The following CSNK1G1 variants were observed in gnomAD, a reference collection of about 807,000 sequenced individuals.
CSNK1G1 encodes the protein casein kinase 1 gamma 1.
A neutral mutation model predicts 59.6 loss-of-function variants in CSNK1G1; 22 were observed. That is an observed-to-expected ratio of 0.37 (90% CI 0.26 to 0.53). The LOEUF (loss-of-function observed/expected upper bound fraction) is 0.53, where lower values mean the gene tolerates loss of function less well. Ranked by LOEUF, CSNK1G1 falls within the 20% of genes least tolerant of loss-of-function variation. The pLI, the probability that CSNK1G1 is intolerant of heterozygous loss-of-function variation, is 0.89. For missense variants in CSNK1G1, 384 were observed against 519.5 expected, an observed-to-expected ratio of 0.74 and a Z score of 2.54; for synonymous variants, 179 against 177.1, an observed-to-expected ratio of 1.01 and a Z score of -0.08.
At chr15:64,339,378 T>C (rs1897572203) in intron 1 of CSNK1G1, among the ~76,000 whole-genome samples, 1 of 152,152 alleles carries the variant, frequency 6.6e-6, no homozygotes, top group South Asian at 2.1e-4. Context: ...AGTGGCACAA[T>C]CTCCGCTCAC....
At chr15:64,236,157 AAAAAG>A (rs1261805579) in intron 4 of CSNK1G1, among the ~76,000 whole-genome samples, 10 of 151,522 alleles carry the variant, frequency 6.6e-5, no homozygotes, top group Non-Finnish European at 1.2e-4. Context: ...AAAAAAAAAA[AAAAAG>A]AAAAGAAAAG....
chr15:64,198,376 T>C (rs1281314295), intron 10 of CSNK1G1, among the ~76,000 whole-genome samples: 1 of 151,512 alleles, frequency 6.6e-6, no homozygotes, highest in African/African-American at 2.4e-5. Flanking sequence ...CAGCTAATTT[T>C]TGTATTTTTA....
intron 1 of CSNK1G1, among the ~76,000 whole-genome samples, chr15:64,355,040 AG>A (rs1209702898): frequency 6.6e-6 from 1 of 152,190 alleles, no homozygotes; most frequent in African/African-American, 2.4e-5. Context: ...AAAAATGAAG[AG>A]GATCTTTCTA....
intron 1 of CSNK1G1, among the ~76,000 whole-genome samples, chr15:64,352,099 G>A (rs1417415011): frequency 6.6e-6 from 1 of 152,022 alleles, no homozygotes; most frequent in Non-Finnish European, 1.5e-5. Context: ...CTGAGGTCAC[G>A]AGTTAGAGAG....
At chr15:64,323,871 G>A (rs757754406) in intron 1 of CSNK1G1, among the ~76,000 whole-genome samples, 6 of 152,108 alleles carry the variant, frequency 3.9e-5, no homozygotes, top group Admixed American at 1.3e-4. Flanking sequence ...TATAAAAATA[G>A]TTTGCTTTAA....
chr15:64,248,728 T>C (rs1891896334), intron 4 of CSNK1G1, among the ~76,000 whole-genome samples: 1 of 152,172 alleles, frequency 6.6e-6, no homozygotes, highest in African/African-American at 2.4e-5. Flanking sequence ...CTCACATCTG[T>C]AATCCCAGCA....
chr15:64,186,568 G>A (rs866528960), intron 10 of CSNK1G1, among the ~76,000 whole-genome samples: 8 of 152,294 alleles, frequency 5.3e-5, no homozygotes, highest in Middle Eastern at 3.4e-3. Context: ...GAAATGCAGT[G>A]GTACGATCAT....
At position 64,300,670 on chromosome 15, in the gene CSNK1G1, T is replaced by C. The variant is rs1895277776; in HGVS notation, c.-171A>G. 1.6e-6 allele frequency: 2 copies of C among 1,284,248 alleles called. No homozygotes were observed. Among genetic ancestry groups the C allele is most frequent in the Non-Finnish European group, 2.0e-6 (2 of 1,014,518 alleles). The allele number at this position is 1,284,248 out of a possible 1,614,324, so 79.6% of individuals were successfully genotyped here. On this transcript the variant is annotated 5_prime_UTR_variant, in exon 2 of 12. Transcript: ENST00000303052. ...CGGGAGATGAAAAACCATTTATTTG[T>C]TCCCGTAGGAAATGTAGTCACTAGG...
chr15:64,202,801 C>T (rs112067520), intron 10 of CSNK1G1, among the ~76,000 whole-genome samples: 8,833 of 152,160 alleles, frequency 0.058, 271 homozygotes, highest in South Asian at 0.08. Context: ...GATCTACCTG[C>T]CTTGGCCTCC....
rs749414791 is a variant in CSNK1G1 at position 64,180,438 on chromosome 15, T to G, written c.1124A>C (p.Asn375Thr). The G allele has an allele frequency of 6.2e-7, 1 of 1,613,600 alleles. No individual in the cohort carries two copies. The highest frequency in any genetic ancestry group is 1.3e-5 in the African/African-American group (1 of 74,900). ...GGGATCATCAACATTCAGCTCTCCA[T>G]TGGTTGAGCTAACCACCTGAAACAG... is the stretch of plus-strand genomic sequence containing the variant. The part of the protein sequence containing the change: ...PLRNQVVSST[N>T]GELNVDDPTG... Residue 375 changes from asparagine (N) to threonine (T), a missense_variant, in exon 11 of 12, where the codon AAT becomes ACT. Around this residue, in one of 3 missense-constraint regions of CSNK1G1, gnomAD observed 325 missense variants for 440.9 expected, o/e 0.74. Coordinates refer to ENST00000303052, the MANE Select transcript of CSNK1G1 (RefSeq NM_022048.5).
chr15:64,212,273 ACAT>A (rs2082258108), intron 6 of CSNK1G1, among the ~76,000 whole-genome samples: 2 of 152,358 alleles, frequency 1.3e-5, no homozygotes, highest in Non-Finnish European at 2.9e-5. Flanking sequence ...AATCTTGATA[ACAT>A]CATAATTTCA....
intron 2 of CSNK1G1, among the ~76,000 whole-genome samples, chr15:64,264,941 C>T (rs1892901105): frequency 6.6e-6 from 1 of 152,114 alleles, no homozygotes; most frequent in Non-Finnish European, 1.5e-5. Flanking sequence ...AAATTAAAAG[C>T]TTTTCCTCAA....
At chr15:64,277,592 ATATT>A (rs1034491603) in intron 2 of CSNK1G1, among the ~76,000 whole-genome samples, 1 of 139,734 alleles carries the variant, frequency 7.2e-6, no homozygotes, top group Non-Finnish European at 1.6e-5. Context: ...TAATATTAAT[ATATT>A]TAATAATATA....
At chr15:64,263,291 C>T (rs1220672474) in intron 2 of CSNK1G1, among the ~76,000 whole-genome samples, 3 of 151,608 alleles carry the variant, frequency 2.0e-5, no homozygotes, top group Admixed American at 6.6e-5. Context: ...ATGGTTCAAG[C>T]GATTCTCCTG....
At chr15:64,242,346 G>A (rs933494893) in intron 4 of CSNK1G1, among the ~76,000 whole-genome samples, 2 of 152,120 alleles carry the variant, frequency 1.3e-5, no homozygotes, top group Admixed American at 1.3e-4. Context: ...TGGCGGTGCT[G>A]TCTTCATGGT....
chr15:64,268,609 T>C (rs1201300527), intron 2 of CSNK1G1, among the ~76,000 whole-genome samples: 1 of 152,054 alleles, frequency 6.6e-6, no homozygotes, highest in African/African-American at 2.4e-5. Flanking sequence ...TTAACTGGGG[T>C]GTTTTGTTTG....
chr15:64,207,818 C>A (rs1421608250), intron 6 of CSNK1G1, among the ~76,000 whole-genome samples: 2 of 152,154 alleles, frequency 1.3e-5, no homozygotes, highest in African/African-American at 4.8e-5. Context: ...GAGAAAAGAG[C>A]AAATTCTGAA....
At chr15:64,177,410 C>A (rs1175257809) in intron 11 of CSNK1G1, among the ~76,000 whole-genome samples, 1 of 152,164 alleles carries the variant, frequency 6.6e-6, no homozygotes, top group Non-Finnish European at 1.5e-5. Flanking sequence ...TGCCCCCACA[C>A]GCAAAGGCCA....
At chr15:64,354,027 C>T (rs190254373) in intron 1 of CSNK1G1, among the ~76,000 whole-genome samples, 3 of 150,422 alleles carry the variant, frequency 2.0e-5, no homozygotes, top group African/African-American at 4.9e-5. Context: ...ACAAGTAGGC[C>T]GGGCACGGTG....
Sources: allele counts gnomAD v4.1 joint callset (sites outside exome capture counted in the v4.1 genomes callset), GRCh38; gene constraint gnomAD v4.1.1; regional missense constraint gnomAD v4.1.1; transcripts MANE v1.5; gene names NCBI Gene and HGNC (gene_info 2026-07-23, HGNC 2026-07-21).